RBMS1: variants seen among roughly 807,000 people sequenced by gnomAD.
RBMS1 encodes RNA-binding motif, single-stranded-interacting protein 1.
Under a neutral mutation model 62.3 loss-of-function variants are expected in RBMS1, and 17 were observed. The observed-to-expected ratio is 0.27, with a 90% CI of 0.19 to 0.41. The LOEUF (loss-of-function observed/expected upper bound fraction) is 0.41, where lower values mean the gene tolerates loss of function less well. Among genes scored for constraint, RBMS1 ranks in the 10% least tolerant of loss-of-function variants. The pLI, the probability that RBMS1 is intolerant of heterozygous loss-of-function variation, is 1.00. For synonymous variants in RBMS1, 172 were observed against 170.0 expected (o/e 1.01, Z -0.09); for missense variants, 334 against 504.5 (o/e 0.66, Z 3.24).
chr2:160,452,157 A>G (rs990369960), intron 1 of RBMS1, among the ~76,000 whole-genome samples: 2 of 152,308 alleles, frequency 1.3e-5, no homozygotes, highest in Non-Finnish European at 2.9e-5. Flanking sequence ...AAATCAGATC[A>G]GTTATGAGAA....
At chr2:160,304,530 G>A (rs559657179) in intron 4 of RBMS1, among the ~76,000 whole-genome samples, 55 of 152,224 alleles carry the variant, frequency 3.6e-4, no homozygotes, top group East Asian at 7.7e-4. Context: ...AGTTAATGGC[G>A]GATGGCATAT....
chr2:160,467,856 A>C (rs1361813368), intron 1 of RBMS1, among the ~76,000 whole-genome samples: 1 of 152,208 alleles, frequency 6.6e-6, no homozygotes, highest in African/African-American at 2.4e-5. Context: ...AAGAAACAGC[A>C]AGTAGACATG....
intron 1 of RBMS1, among the ~76,000 whole-genome samples, chr2:160,457,002 A>G (rs935600100): frequency 6.6e-6 from 1 of 152,214 alleles, no homozygotes; most frequent in African/African-American, 2.4e-5. Flanking sequence ...CTAGCCAGAT[A>G]TGAGGGACTT....
chr2:160,278,661 G>T lies in RBMS1; in HGVS notation c.952-3C>A. ...ATTGAGGGAGTTAACACGGCACCCT[G>T]GGGAGTTGGAGACAGGAGCAAAATT... On this transcript the variant is annotated splice_polypyrimidine_tract_variant and splice_region_variant and intron_variant, in intron 10 of 13. Coordinates refer to ENST00000348849, the MANE Select transcript of RBMS1 (RefSeq NM_016836.4). 1 of 1,603,546 alleles carries T rather than the reference G, an allele frequency of 6.2e-7. No homozygotes were observed. The highest frequency in any genetic ancestry group is 1.1e-5 in the South Asian group (1 of 89,812).
chr2:160,414,201 G>A (rs979894863), intron 1 of RBMS1, among the ~76,000 whole-genome samples: 6 of 152,206 alleles, frequency 3.9e-5, no homozygotes, highest in Middle Eastern at 3.4e-3. Flanking sequence ...CGAATATATC[G>A]TGAATAGTAC....
intron 4 of RBMS1, among the ~76,000 whole-genome samples, chr2:160,309,931 C>T (rs1045950328): frequency 3.9e-5 from 6 of 152,172 alleles, no homozygotes; most frequent in Non-Finnish European, 8.8e-5. Context: ...GAAGCTTCAG[C>T]TGAAGATTCA....
At chr2:160,330,791 T>C (rs1342249565) in intron 2 of RBMS1, among the ~76,000 whole-genome samples, 1 of 152,112 alleles carries the variant, frequency 6.6e-6, no homozygotes, top group Non-Finnish European at 1.5e-5. Flanking sequence ...TTGAACTGTG[T>C]TCCCCCAAAA....
chr2:160,392,891 T>G (rs1283365103), intron 1 of RBMS1, among the ~76,000 whole-genome samples: 3 of 151,878 alleles, frequency 2.0e-5, no homozygotes, highest in African/African-American at 7.3e-5. Context: ...AGCAAGACCC[T>G]GTCTCAAGAA....
At chr2:160,402,001 T>A (rs1695447831) in intron 1 of RBMS1, 1 of 152,120 alleles carries the variant, frequency 6.6e-6, no homozygotes, top group South Asian at 2.1e-4. Flanking sequence ...CTAAACACAG[T>A]CCATTCTTAG....
At chr2:160,306,352 CG>C (rs1478281229) in intron 4 of RBMS1, among the ~76,000 whole-genome samples, 2 of 151,848 alleles carry the variant, frequency 1.3e-5, no homozygotes, top group African/African-American at 4.8e-5. Context: ...GAAAGTTTAC[CG>C]ATGAGGAAAT....
At chr2:160,485,879 G>A (rs1300206675) in intron 1 of RBMS1, among the ~76,000 whole-genome samples, 2 of 152,062 alleles carry the variant, frequency 1.3e-5, no homozygotes, top group East Asian at 3.8e-4. Flanking sequence ...AGTCGTGGGA[G>A]TATTTCAGCT....
rs1043158459 is a variant in RBMS1 at position 160,301,473 on chromosome 2, A to T, written c.561-743T>A. ...TGGACTACTCAGAGAGTTACATCTT[A>T]GTTTTAACAAACAGTGATAGTTTCA... On this transcript the variant is annotated intron_variant, in intron 5 of 13. Transcript: ENST00000348849. 8.5e-5 allele frequency among the ~76,000 whole-genome samples: 13 copies of T among 152,222 alleles called. 1 individual carries two copies. Among genetic ancestry groups the T allele is most frequent in the Non-Finnish European group, 1.9e-4 (13 of 68,038 alleles).
chr2:160,417,551 T>C (rs1029235726), intron 1 of RBMS1, among the ~76,000 whole-genome samples: 1 of 152,206 alleles, frequency 6.6e-6, no homozygotes, highest in Non-Finnish European at 1.5e-5. Flanking sequence ...CTGTATGTCA[T>C]GCAATCTAAG....
chr2:160,358,290 T>G (rs1230043647), intron 2 of RBMS1, among the ~76,000 whole-genome samples: 1 of 152,142 alleles, frequency 6.6e-6, no homozygotes, highest in African/African-American at 2.4e-5. Context: ...ATGAGAGAAT[T>G]GAGTTACAAT....
chr2:160,309,020 C>T (rs1689706649), intron 4 of RBMS1, among the ~76,000 whole-genome samples: 1 of 152,120 alleles, frequency 6.6e-6, no homozygotes, highest in Non-Finnish European at 1.5e-5. Context: ...AAATAGAACT[C>T]TTTCTAATTC....
intron 1 of RBMS1, among the ~76,000 whole-genome samples, chr2:160,378,110 G>A (rs1694094614): frequency 6.6e-6 from 1 of 151,110 alleles, no homozygotes; most frequent in Non-Finnish European, 1.5e-5. Flanking sequence ...TAGATGTCCA[G>A]GTCTATGCTA....
chr2:160,457,350 T>C (rs1308502404), intron 1 of RBMS1, among the ~76,000 whole-genome samples: 1 of 152,036 alleles, frequency 6.6e-6, no homozygotes, highest in Admixed American at 6.5e-5. Flanking sequence ...GGCTGGTCTC[T>C]AACTCCCGAC....
chr2:160,318,254 GA>G (rs747757198), intron 2 of RBMS1, 27 bp from the exon 3 acceptor site: 60 of 1,259,314 alleles, frequency 4.8e-5, no homozygotes, highest in Non-Finnish European at 5.9e-5. Context: ...AAAAAAAAAG[GA>G]AAAAAAGAAA....
At chr2:160,474,642 A>G (rs1685053251) in intron 1 of RBMS1, among the ~76,000 whole-genome samples, 1 of 152,226 alleles carries the variant, frequency 6.6e-6, no homozygotes, top group Admixed American at 6.5e-5. Flanking sequence ...ACCACAATAA[A>G]CAAAACAAAA....
Sources: gnomAD v4.1 joint callset for allele counts (sites outside exome capture counted in the v4.1 genomes callset) on GRCh38, gnomAD v4.1.1 for gene constraint, MANE v1.5 for transcripts, NCBI Gene and HGNC (gene_info 2026-07-23, HGNC 2026-07-21) for gene names.